Variants in NIPBL observed in about 807,000 individuals in gnomAD.
NIPBL encodes NIPBL cohesin loading factor.
A neutral mutation model predicts 321.8 loss-of-function variants in NIPBL; 19 were observed. The ratio of observed to expected loss-of-function variants is 0.06; its 90% confidence interval spans 0.04 to 0.09. The LOEUF (loss-of-function observed/expected upper bound fraction) is 0.09. Ranked by LOEUF, NIPBL falls within the 10% of genes least tolerant of loss-of-function variation. NIPBL has a pLI of 1.00. For missense variants in NIPBL, 2,210 were observed against 3,327.0 expected (o/e 0.66, Z 8.26); for synonymous variants, 1,106 against 1,114.1 (o/e 0.99, Z 0.14).
chr5:36,928,592 G>GT (rs1192996034), intron 1 of NIPBL, among the ~76,000 whole-genome samples: 3 of 152,140 alleles, frequency 2.0e-5, no homozygotes, highest in African/African-American at 7.2e-5. Context: ...AAGTTCACCT[G>GT]TTTAAGTATA....
intron 1 of NIPBL, among the ~76,000 whole-genome samples, chr5:36,882,549 T>C (rs1354596846): frequency 2.0e-5 from 3 of 151,972 alleles, no homozygotes; most frequent in Non-Finnish European, 4.4e-5. Context: ...CTGTGTATCA[T>C]GATTTGAACC....
At chr5:36,933,665 G>A (rs938232316) in intron 1 of NIPBL, among the ~76,000 whole-genome samples, 8 of 151,928 alleles carry the variant, frequency 5.3e-5, no homozygotes, top group African/African-American at 1.9e-4. Context: ...TTTTCTGTAT[G>A]GTTTCAGACA....
At chr5:36,932,879 G>A (rs777662058) in intron 1 of NIPBL, among the ~76,000 whole-genome samples, 10 of 140,946 alleles carry the variant, frequency 7.1e-5, no homozygotes, top group Non-Finnish European at 1.2e-4. Flanking sequence ...GCATACTACA[G>A]ACTCACACTC....
At chr5:36,904,195 G>A (rs920533848) in intron 1 of NIPBL, among the ~76,000 whole-genome samples, 2 of 152,252 alleles carry the variant, frequency 1.3e-5, no homozygotes, top group Non-Finnish European at 2.9e-5. Flanking sequence ...ACTGGGCCGG[G>A]TGCGGTGGCT....
intron 29 of NIPBL, among the ~76,000 whole-genome samples, chr5:37,022,774 C>T (rs1007404421): frequency 1.3e-5 from 2 of 152,152 alleles, no homozygotes; most frequent in Non-Finnish European, 2.9e-5. Flanking sequence ...GAGACACGTA[C>T]AGAACGTTGG....
chr5:36,947,679 A>C (rs1245129127), intron 1 of NIPBL, among the ~76,000 whole-genome samples: 5 of 152,002 alleles, frequency 3.3e-5, no homozygotes, highest in Non-Finnish European at 7.4e-5. Context: ...CAGGAGACTT[A>C]CTAATTTTTT....
In NIPBL at chr5:37,064,532, G is replaced by C; in HGVS notation, c.8055G>C (p.Leu2685Phe). ...EDRGGGTSGS[L>F]RRSKRNSDST... is the part of the protein sequence containing the mutation. Reference sequence around the variant, plus strand: ...CCCCCCTCCCAATGTTTTAGTCATTGAGAAGGTCAAAACGAAATTCAGACT... The same window carrying C: ...CCCCCCTCCCAATGTTTTAGTCATTCAGAAGGTCAAAACGAAATTCAGACT... The change falls in exon 47 of 47, where the codon TTG becomes TTC. Residue 2685 changes from leucine (L) to phenylalanine (F), a missense_variant. Physicochemically the swap from Leu to Phe is conservative, Grantham distance 22 (BLOSUM62 0). Transcript: ENST00000282516. The C allele has an allele frequency of 6.2e-7, 1 of 1,612,866 alleles. No homozygotes were observed. The highest frequency in any genetic ancestry group is 8.5e-7 in the Non-Finnish European group (1 of 1,180,012).
At chr5:37,035,622 C>A (rs1317631307) in intron 32 of NIPBL, among the ~76,000 whole-genome samples, 2 of 152,122 alleles carry the variant, frequency 1.3e-5, no homozygotes, top group Non-Finnish European at 2.9e-5. Context: ...TTAATAACTG[C>A]ATGTGACTCT....
Position 37,003,171 on chromosome 5 carries a change from T to A in NIPBL, c.3769-90T>A, listed in dbSNP as rs1580443846. The A allele has an allele frequency of 1.3e-5, 11 of 829,618 alleles. No individual in the cohort carries two copies. The East Asian group carries it at 2.7e-4, about 20-fold the overall frequency. The allele number at this position is 829,618 out of a possible 1,614,324, so 51.4% of individuals were successfully genotyped here. A position where few individuals can be genotyped will look rare whatever the true frequency, so the allele number is the denominator to read the frequency against. On this transcript the variant is annotated intron_variant, in intron 15 of 46. Transcript: ENST00000282516. The stretch of plus-strand genomic sequence containing the variant: ...GAGGGTGACAATGCTATTTCCTCCA[T>A]AGCTCAAAGGGAATAATTGTACAGA...
At chr5:36,936,154 G>A (rs1738395130) in intron 1 of NIPBL, among the ~76,000 whole-genome samples, 1 of 152,018 alleles carries the variant, frequency 6.6e-6, no homozygotes, top group Admixed American at 6.6e-5. Flanking sequence ...TGTGATTATG[G>A]TATTATTTGA....
intron 33 of NIPBL, among the ~76,000 whole-genome samples, chr5:37,037,557 A>G (rs930260941): frequency 6.6e-6 from 1 of 150,798 alleles, no homozygotes; most frequent in African/African-American, 2.4e-5. Context: ...ATTGGGAGCC[A>G]ATAGCCTCTA....
At chr5:36,970,523 A>G (rs945646556) in intron 6 of NIPBL, among the ~76,000 whole-genome samples, 1 of 151,566 alleles carries the variant, frequency 6.6e-6, no homozygotes, top group African/African-American at 2.4e-5. Flanking sequence ...AAACAACACA[A>G]TGAATTACTT....
chr5:36,978,225 AGT>A (rs778683231), intron 9 of NIPBL, among the ~76,000 whole-genome samples: 8 of 152,030 alleles, frequency 5.3e-5, no homozygotes, highest in Non-Finnish European at 1.2e-4. Context: ...TCCCACCAAC[AGT>A]GTGTAAGTGT....
intron 12 of NIPBL, 114 bp from the exon 13 acceptor site, chr5:37,000,703 T>G: frequency 8.0e-7 from 1 of 1,253,700 alleles, no homozygotes. Flanking sequence ...TTAGTTTCTA[T>G]GTGCAGTGAT....
chr5:37,017,618 T>A (rs569164387), intron 24 of NIPBL, among the ~76,000 whole-genome samples: 1 of 151,756 alleles, frequency 6.6e-6, no homozygotes, highest in African/African-American at 2.4e-5. Context: ...CTTTTTTTTT[T>A]TTAATGTGGA....
chr5:36,971,268 A>T (rs1293303101), intron 7 of NIPBL, among the ~76,000 whole-genome samples: 6 of 58,888 alleles, frequency 1.0e-4, no homozygotes, highest in East Asian at 1.0e-3. Context: ...AGAGTTATTT[A>T]AAAAAAAAAA....
At chr5:37,017,191 G>A in intron 24 of NIPBL, 29 bp downstream of exon 24, 1 of 1,567,852 alleles carries the variant, frequency 6.4e-7, no homozygotes, top group Non-Finnish European at 8.8e-7. Context: ...AAAATTATGG[G>A]AATGAATAAT....
At chr5:36,984,345 G>C (rs1018993532) in intron 9 of NIPBL, among the ~76,000 whole-genome samples, 1 of 151,910 alleles carries the variant, frequency 6.6e-6, no homozygotes. Flanking sequence ...TGATTTATCC[G>C]TGACATCTAT....
rs34760816 is a variant in NIPBL, at chr5:36,956,616, C to CTTTTTTTTTTT, written c.230+995_230+1005dup. Among the ~76,000 whole-genome samples, 2 of 79,478 alleles carry CTTTTTTTTTTT rather than the reference C, an allele frequency of 2.5e-5. 1 individual carries two copies. The highest frequency in any genetic ancestry group is 1.1e-4 in the African/African-American group (2 of 18,870). 52.1% of individuals were successfully genotyped at this position (79,478 alleles called of 152,430 possible). Reference sequence around the variant, plus strand: ...AAATTCAGCAATATCTAAATCACTTCTTTTTTTTTTTTTTTTTTTTTTTTT... The same window carrying CTTTTTTTTTTT: ...AAATTCAGCAATATCTAAATCACTTCTTTTTTTTTTTTTTTTTTTTTTTTTTTTTTTTTTTT... On this transcript the variant is annotated intron_variant, in intron 3 of 46. Coordinates refer to ENST00000282516, the MANE Select transcript of NIPBL (RefSeq NM_133433.4).
Sources: allele counts gnomAD v4.1 joint callset (sites outside exome capture counted in the v4.1 genomes callset), GRCh38; gene constraint gnomAD v4.1.1; transcripts MANE v1.5; gene names NCBI Gene and HGNC (gene_info 2026-07-23, HGNC 2026-07-21).